Variants in ATG2A observed in about 807,000 individuals in gnomAD.
ATG2A encodes autophagy-related protein 2 homolog A.
In ATG2A, 103 loss-of-function variants were observed where a neutral mutation model predicts 214.2. That is an observed-to-expected ratio of 0.48 (90% CI 0.41 to 0.57). The LOEUF (loss-of-function observed/expected upper bound fraction) is 0.57. ATG2A is among the 20% of genes least tolerant of loss of function. ATG2A has a pLI of 0.00. For synonymous variants in ATG2A, 1,160 were observed against 1,142.1 expected, an observed-to-expected ratio of 1.02 and a Z score of -0.32; for missense variants, 2,312 against 2,613.2, an observed-to-expected ratio of 0.88 and a Z score of 2.51.
At position 64,906,437 on chromosome 11, in the gene ATG2A, C is replaced by A; in HGVS notation, c.3080G>T (p.Gly1027Val). ...GCCCGAGGCTCCCCGCTCGGTCACC[C>A]CTTCCTCCGATGGGTAGATGGTTGG... ...LAPTIYPSEE[G>V]VTERGASGRK... The change falls in exon 21 of 41, where the codon GGG becomes GTG. Residue 1027 changes from glycine to valine, a missense_variant. Coordinates refer to ENST00000377264, the MANE Select transcript of ATG2A (RefSeq NM_015104.3). 1 of 1,613,246 alleles carries A rather than the reference C, an allele frequency of 6.2e-7. No individual in the cohort carries two copies. The highest frequency in any genetic ancestry group is 8.5e-7 in the Non-Finnish European group (1 of 1,179,994).
Position 64,909,120 on chromosome 11 carries a change from G to A in ATG2A, c.2235C>T (p.Ser745=), listed in dbSNP as rs1438000730. 1.9e-6 allele frequency: 3 copies of A among 1,611,934 alleles called. No homozygotes were observed. The highest frequency in any genetic ancestry group is 2.7e-5 in the African/African-American group (2 of 74,924). Residue 745 remains serine (S), a synonymous_variant, in exon 16 of 41, where the codon AGC becomes AGT. Coordinates refer to ENST00000377264, the MANE Select transcript of ATG2A (RefSeq NM_015104.3). ...QVVVTVNPQS[S]STQWEVAPEK... is the part of the protein sequence containing the mutation. ...CCGGGGCCACCTCCCACTGTGTGCT[G>A]CTGGACTGGGGGTTCACAGTCACCA...
At position 64,907,279 on chromosome 11, in the gene ATG2A, C is replaced by A. The variant is rs1303639769; in HGVS notation, c.2808G>T (p.Arg936=). The A allele has an allele frequency of 2.1e-5, 32 of 1,528,626 alleles. No homozygotes were observed. The highest frequency in any genetic ancestry group is 2.7e-5 in the Non-Finnish European group (31 of 1,135,426). 94.7% of individuals were successfully genotyped at this position (1,528,626 alleles called of 1,614,324 possible). The change falls in exon 19 of 41, where the codon CGG becomes CGT. Residue 936 remains arginine (R), a synonymous_variant. Transcript: ENST00000377264. ...CCTTGGTCTCACAGAGGGCTGTGAT[C>A]CGCCCCTTCAGCACTGTCACCAGTG... ...FSTLVTVLKG[R]ITALCETKDE...
Position 64,902,561 on chromosome 11 carries a change from G to T in ATG2A, c.3732C>A (p.His1244Gln), listed in dbSNP as rs1411529144. 6.4e-7 allele frequency: 1 copy of T among 1,566,900 alleles called. No homozygotes were observed. The highest frequency in any genetic ancestry group is 2.4e-5 in the East Asian group (1 of 42,046). The change falls in exon 27 of 41, where the codon CAC becomes CAA. Residue 1244 changes from histidine to glutamine, a missense_variant. Transcript: ENST00000377264. Reference protein sequence around the residue: ...LQYVMSTGDLHPPPRPPSPTE... With the variant: ...LQYVMSTGDLQPPPRPPSPTE... ...TGGGGCTGGGGGGCCGGGGTGGGGG[G>T]TGCAGATCGCCTGTGCTCATTACGT...
At position 64,913,451 on chromosome 11, in the gene ATG2A, C is replaced by T. The variant is rs1308049897; in HGVS notation, c.591-50G>A. ...GCCCTGGCCACCCCAGGCCTGGAGCCCCTCTCTCCACACAGTGCTCTGCTC... is the reference window on the plus strand; with the variant it reads ...GCCCTGGCCACCCCAGGCCTGGAGCTCCTCTCTCCACACAGTGCTCTGCTC... On this transcript the variant is annotated intron_variant, in intron 4 of 40. Transcript: ENST00000377264. The surrounding 1 kb of genome is among the most constrained non-coding windows in gnomAD (Gnocchi z 4.3). 1.3e-6 allele frequency: 2 copies of T among 1,506,618 alleles called. No individual in the cohort carries two copies. The highest frequency in any genetic ancestry group is 1.8e-6 in the Non-Finnish European group (2 of 1,123,596). 93.3% of individuals were successfully genotyped at this position (1,506,618 alleles called of 1,614,324 possible).
chr11:64,912,451 C>T (rs1470751686), intron 6 of ATG2A, 28 bp from the exon 7 acceptor site: 4 of 1,525,334 alleles, frequency 2.6e-6, no homozygotes, highest in East Asian at 4.9e-5. Context: ...AGCCATGGAG[C>T]CTAGGCCCAC....
rs1944414355 is a variant in ATG2A, at chr11:64,903,014, G to T, written c.3612+274C>A. On this transcript the variant is annotated intron_variant, in intron 26 of 40. Transcript: ENST00000377264. The surrounding 1 kb of genome is among the most constrained non-coding windows in gnomAD (Gnocchi z 4.2). The stretch of plus-strand genomic sequence containing the variant: ...GGAGATGAATCCGGGGACCTACAAA[G>T]GTGGCTGATTCCCAGGGCCTCGCTG... 7.0e-6 allele frequency among the ~76,000 whole-genome samples: 1 copy of T among 143,728 alleles called. No individual in the cohort carries two copies. 94.3% of individuals were successfully genotyped at this position (143,728 alleles called of 152,430 possible). A position where few individuals can be genotyped will look rare whatever the true frequency, so the allele number is the denominator to read the frequency against.
Position 64,894,712 on chromosome 11 carries a change from G to T in ATG2A, c.*261C>A. On this transcript the variant is annotated 3_prime_UTR_variant, in exon 41 of 41. Transcript: ENST00000377264. ...CCGAGGGTCCAAAAGCCTCCGTCCT[G>T]GGAGAAGGCAGCAGTGTGGGCCCAG... 1.4e-6 allele frequency: 1 copy of T among 692,532 alleles called. No homozygotes were observed. The highest frequency in any genetic ancestry group is 2.6e-6 in the Non-Finnish European group (1 of 378,816). 42.9% of individuals were successfully genotyped at this position (692,532 alleles called of 1,614,324 possible).
chr11:64,913,288 T>C lies in ATG2A; in HGVS notation c.704A>G (p.His235Arg), dbSNP rs752543426. The C allele has an allele frequency of 1.9e-5, 30 of 1,611,012 alleles. No individual in the cohort carries two copies. Among genetic ancestry groups the C allele is most frequent in the East Asian group, 8.9e-5 (4 of 44,828 alleles). Residue 235 changes from histidine (H) to arginine (R), a missense_variant, in exon 5 of 41, where the codon CAC (histidine) becomes CGC (arginine). By Grantham distance (29) the His-to-Arg change is conservative. Coordinates refer to ENST00000377264, the MANE Select transcript of ATG2A (RefSeq NM_015104.3). The surrounding 1 kb of genome is among the most constrained non-coding windows in gnomAD (Gnocchi z 4.3). ...KLLQLAGVRL[H>R]YEELPAQEEP... ...CACCTGTGCCGGGAGCTCCTCGTAG[T>C]GCAGGCGGACCCCTGCCAGCTGCAG...
chr11:64,916,445 G>T (rs1024969419), intron 1 of ATG2A, among the ~76,000 whole-genome samples: 23 of 152,182 alleles, frequency 1.5e-4, no homozygotes, highest in Admixed American at 1.5e-3. Context: ...GTACTGACGC[G>T]GTTGTTGACA....
intron 26 of ATG2A, 69 bp from the exon 27 acceptor site, chr11:64,902,749 C>T (rs986385227): frequency 2.9e-5 from 41 of 1,435,450 alleles, no homozygotes; most frequent in Middle Eastern, 2.4e-4. Context: ...CCCACCCGCT[C>T]GCTGGGAGGG....
At chr11:64,902,423 G>A (rs776138714) in intron 27 of ATG2A, 37 bp from the exon 28 acceptor site, 3 of 1,534,180 alleles carry the variant, frequency 2.0e-6, no homozygotes, top group Admixed American at 2.0e-5. Flanking sequence ...AGTGAGACAG[G>A]ACAGAGCTCC....
At chr11:64,900,414 C>G in intron 31 of ATG2A, 80 bp downstream of exon 31, 1 of 1,599,582 alleles carries the variant, frequency 6.3e-7, no homozygotes, top group Non-Finnish European at 8.5e-7. Context: ...CTGCATTAGT[C>G]ATTGCTACAC....
Position 64,906,616 on chromosome 11 carries a change from C to G in ATG2A, c.2983+49G>C, listed in dbSNP as rs750614662. ...GGCCCACATCCGTCCTGAAAGCCCT[C>G]CACCCCCAACCCTGGACCCCAGTGG... On this transcript the variant is annotated intron_variant, in intron 20 of 40. Transcript: ENST00000377264. 22 of 1,609,058 alleles carry G rather than the reference C, an allele frequency of 1.4e-5. No individual in the cohort carries two copies. The African/African-American group carries it at 2.8e-4, about 21-fold the overall frequency.
rs1445954929 is a variant in ATG2A at position 64,909,158 on chromosome 11, G to A, written c.2205-8C>T. 2 of 1,606,716 alleles carry A rather than the reference G, an allele frequency of 1.2e-6. No individual in the cohort carries two copies. Among genetic ancestry groups the A allele is most frequent in the Non-Finnish European group, 1.7e-6 (2 of 1,176,514 alleles). ...TTCACAGTCACCACTACCCTGCCGG[G>A]GCACAGGCCTGTTACTGGCCTGCAG... On this transcript the variant is annotated splice_polypyrimidine_tract_variant and splice_region_variant and intron_variant, in intron 15 of 40. Coordinates refer to ENST00000377264, the MANE Select transcript of ATG2A (RefSeq NM_015104.3).
Position 64,911,205 on chromosome 11 carries a change from A to G in ATG2A, c.1299T>C (p.Gly433=). The change falls in exon 10 of 41, where the codon GGT becomes GGC. Residue 433 remains glycine (G), a synonymous_variant. Coordinates refer to ENST00000377264, the MANE Select transcript of ATG2A (RefSeq NM_015104.3). ...ACGTCTGAAGCAAGGTCAGGGTCAC[A>G]CCCCCCAAGGTCATCTTCAGCAGCG... ...PDSLLKMTLG[G]VTLTLLQTSA... 1.2e-6 allele frequency: 2 copies of G among 1,613,760 alleles called. No individual in the cohort carries two copies. Among genetic ancestry groups the G allele is most frequent in the Non-Finnish European group, 1.7e-6 (2 of 1,179,944 alleles).
rs1487319722 is a variant in ATG2A, at chr11:64,902,678, G to A, written c.3615C>T (p.Ser1205=). The part of the protein sequence containing the change: ...TWKGSTEGKL[S]QPLFELRCSN... ...AGCAGCGCAGCTCGAATAGTGGCTGGCTCTGCAGGGGCGGGGTGGGGGGAG... is the reference window on the plus strand; with the variant it reads ...AGCAGCGCAGCTCGAATAGTGGCTGACTCTGCAGGGGCGGGGTGGGGGGAG... The change falls in exon 27 of 41, where the codon AGC becomes AGT. Residue 1205 remains serine (S), a splice_region_variant and synonymous_variant. Coordinates refer to ENST00000377264, the MANE Select transcript of ATG2A (RefSeq NM_015104.3). The A allele has an allele frequency of 6.2e-7, 1 of 1,608,374 alleles. No homozygotes were observed. Among genetic ancestry groups the A allele is most frequent in the South Asian group, 1.1e-5 (1 of 90,856 alleles).
intron 16 of ATG2A, among the ~76,000 whole-genome samples, chr11:64,908,634 T>G (rs1944646180): frequency 6.6e-6 from 1 of 152,144 alleles, no homozygotes; most frequent in Admixed American, 6.6e-5. Flanking sequence ...AGGTAACTCT[T>G]CAAGGTCAGA....
At chr11:64,914,789 G>A (rs968239362) in intron 1 of ATG2A, among the ~76,000 whole-genome samples, 1 of 151,740 alleles carries the variant, frequency 6.6e-6, no homozygotes, top group African/African-American at 2.4e-5. Flanking sequence ...ACTGAGACTA[G>A]ATGGGTAAAT....
At position 64,914,323 on chromosome 11, in the gene ATG2A, T is replaced by C; in HGVS notation, c.334+15A>G. 1 of 1,584,152 alleles carries C rather than the reference T, an allele frequency of 6.3e-7. No homozygotes were observed. Among genetic ancestry groups the C allele is most frequent in the South Asian group, 1.1e-5 (1 of 87,464 alleles). On this transcript the variant is annotated intron_variant, in intron 2 of 40. Coordinates refer to ENST00000377264, the MANE Select transcript of ATG2A (RefSeq NM_015104.3). ...TCTCCCCACTTGCCTGCCCCCAGCC[T>C]CGCCCTGCCCTCACCTGGACCCCGG...
Sources: allele counts gnomAD v4.1 joint callset (sites outside exome capture counted in the v4.1 genomes callset), GRCh38; gene constraint gnomAD v4.1.1; non-coding constraint Gnocchi (gnomAD v3.1); transcripts MANE v1.5; gene names NCBI Gene and HGNC (gene_info 2026-07-23, HGNC 2026-07-21).